PARD3B: variants seen among roughly 807,000 people sequenced by gnomAD.
The protein encoded by PARD3B is partitioning defective 3 homolog B.
A neutral mutation model predicts 130.2 loss-of-function variants in PARD3B; 103 were observed. The ratio of observed to expected loss-of-function variants is 0.79; its 90% CI spans 0.67 to 0.93. The LOEUF (loss-of-function observed/expected upper bound fraction) is 0.93. Among genes scored for constraint, PARD3B ranks in the 40% least tolerant of loss-of-function variants. PARD3B has a pLI of 0.00. For synonymous variants in PARD3B, 583 were observed against 553.2 expected, an observed-to-expected ratio of 1.05 and a Z score of -0.76; for missense variants, 1,609 against 1,499.2, an observed-to-expected ratio of 1.07 and a Z score of -1.21.
chr2:204,809,792 G>T (rs1191232365), intron 2 of PARD3B, among the ~76,000 whole-genome samples: 1 of 152,108 alleles, frequency 6.6e-6, no homozygotes, highest in Non-Finnish European at 1.5e-5. Context: ...GTCATTGGTA[G>T]TTTGATAGGA....
intron 18 of PARD3B, among the ~76,000 whole-genome samples, chr2:205,357,280 T>C (rs1365291876): frequency 6.6e-6 from 1 of 152,236 alleles, no homozygotes; most frequent in South Asian, 2.1e-4. Context: ...CCTTTGGTGA[T>C]GCTGAAGCAT....
chr2:204,604,315 T>G (rs966481361), intron 1 of PARD3B, among the ~76,000 whole-genome samples: 2 of 152,160 alleles, frequency 1.3e-5, no homozygotes, highest in African/African-American at 4.8e-5. Flanking sequence ...ATTCTGGAAT[T>G]CTTGGTATCA....
intron 2 of PARD3B, among the ~76,000 whole-genome samples, chr2:204,704,126 G>A (rs193261823): frequency 1.9e-3 from 293 of 152,252 alleles, no homozygotes; most frequent in African/African-American, 6.9e-3. Context: ...TCATTTCTAA[G>A]TATGCAGTTC....
chr2:204,730,483 A>G (rs894042848), intron 2 of PARD3B, among the ~76,000 whole-genome samples: 2 of 151,942 alleles, frequency 1.3e-5, no homozygotes, highest in African/African-American at 4.8e-5. Flanking sequence ...GTTCAAATTG[A>G]TGTTAGAACT....
intron 16 of PARD3B, among the ~76,000 whole-genome samples, chr2:205,270,806 G>A (rs1448251692): frequency 6.6e-6 from 1 of 152,026 alleles, no homozygotes; most frequent in Admixed American, 6.6e-5. Flanking sequence ...GGAGGGAAAA[G>A]AGCGTGCCAG....
At chr2:205,428,417 T>C (rs901050795) in intron 19 of PARD3B, among the ~76,000 whole-genome samples, 1 of 152,112 alleles carries the variant, frequency 6.6e-6, no homozygotes, top group South Asian at 2.1e-4. Context: ...CCCAGAGAGC[T>C]GCCTCACCTC....
intron 2 of PARD3B, among the ~76,000 whole-genome samples, chr2:204,822,056 A>T: frequency 6.6e-6 from 1 of 152,230 alleles, no homozygotes; most frequent in East Asian, 1.9e-4. Context: ...TTGGCAATGT[A>T]AATTGAAACC....
intron 2 of PARD3B, among the ~76,000 whole-genome samples, chr2:204,693,675 T>C (rs1294911230): frequency 1.3e-5 from 2 of 152,054 alleles, no homozygotes; most frequent in African/African-American, 4.8e-5. Context: ...TGTAGCCATT[T>C]AGAGGCCTCA....
At chr2:205,345,242 A>C (rs2043706359) in intron 18 of PARD3B, among the ~76,000 whole-genome samples, 1 of 152,190 alleles carries the variant, frequency 6.6e-6, no homozygotes, top group Admixed American at 6.5e-5. Flanking sequence ...AAGTATGACG[A>C]AGTGGACAGC....
rs910181173 is a variant in PARD3B, at chr2:204,606,891, A to C, written c.120+60772A>C. ...GTTTGTGTGTGTGGTTTTTCTGGGA[A>C]ATATTAAAGCCTTGAACAATCCCGT... On this transcript the variant is annotated intron_variant, in intron 1 of 22. Transcript: ENST00000406610. This position sits in a 1 kb window ranked among gnomAD's most constrained non-coding sequence, Gnocchi z 4.0. Among the ~76,000 whole-genome samples, 1 of 152,144 alleles carries C rather than the reference A, an allele frequency of 6.6e-6. No individual in the cohort carries two copies. Among genetic ancestry groups the C allele is most frequent in the Non-Finnish European group, 1.5e-5 (1 of 68,022 alleles).
At chr2:205,045,863 A>G (rs1698741968) in intron 3 of PARD3B, among the ~76,000 whole-genome samples, 1 of 152,110 alleles carries the variant, frequency 6.6e-6, no homozygotes, top group African/African-American at 2.4e-5. Context: ...TAAATTGTTG[A>G]TCGCTAAAAT....
At chr2:205,189,482 C>T (rs912831103) in intron 14 of PARD3B, among the ~76,000 whole-genome samples, 11 of 152,154 alleles carry the variant, frequency 7.2e-5, no homozygotes, top group Admixed American at 2.0e-4. Context: ...GCTGAAAACA[C>T]GGCCTTTATC....
At position 204,762,269 on chromosome 2, in the gene PARD3B, G is replaced by A. The variant is rs564343320; in HGVS notation, c.222+75987G>A. Reference sequence around the variant, plus strand: ...CCTGAGTAGGTGGGAGTACAGGCACGTGCCACCATGCCCAGCTAATTTTTT... The same window carrying A: ...CCTGAGTAGGTGGGAGTACAGGCACATGCCACCATGCCCAGCTAATTTTTT... On this transcript the variant is annotated intron_variant, in intron 2 of 22. Coordinates refer to ENST00000406610, the MANE Select transcript of PARD3B (RefSeq NM_001302769.2). 4.0e-5 allele frequency among the ~76,000 whole-genome samples: 6 copies of A among 151,408 alleles called. No individual in the cohort carries two copies. The South Asian group carries it at 1.3e-3, about 32-fold the overall frequency.
chr2:205,013,601 A>G (rs941744911), intron 3 of PARD3B, among the ~76,000 whole-genome samples: 5 of 152,184 alleles, frequency 3.3e-5, no homozygotes, highest in African/African-American at 1.2e-4. Context: ...TTGGATACTA[A>G]TAACATGCCC....
intron 18 of PARD3B, among the ~76,000 whole-genome samples, chr2:205,354,082 G>A (rs564772236): frequency 2.7e-4 from 38 of 139,620 alleles, no homozygotes; most frequent in Non-Finnish European, 4.8e-4. Context: ...GCCCAGGCTG[G>A]AGTGCAGTGG....
chr2:204,852,671 A>G (rs1439346589), intron 2 of PARD3B, among the ~76,000 whole-genome samples: 1 of 152,212 alleles, frequency 6.6e-6, no homozygotes, highest in African/African-American at 2.4e-5. Context: ...GAGACATGCA[A>G]TAATTCTACA....
intron 2 of PARD3B, among the ~76,000 whole-genome samples, chr2:204,811,067 A>G (rs1032946967): frequency 1.2e-4 from 18 of 151,968 alleles, no homozygotes; most frequent in African/African-American, 3.6e-4. Flanking sequence ...GAATTTATCC[A>G]TCTCTTCTAG....
intron 2 of PARD3B, among the ~76,000 whole-genome samples, chr2:204,899,953 C>G (rs758185528): frequency 7.9e-5 from 12 of 151,752 alleles, no homozygotes; most frequent in Non-Finnish European, 1.5e-4. Context: ...CCCGACCTAT[C>G]AGGTTTCCAC....
intron 3 of PARD3B, among the ~76,000 whole-genome samples, chr2:205,013,753 T>A (rs1575556933): frequency 6.6e-6 from 1 of 151,876 alleles, no homozygotes; most frequent in African/African-American, 2.4e-5. Context: ...GCGCTGGAGG[T>A]TGAAAACCAT....
Sources: allele counts gnomAD v4.1 joint callset (sites outside exome capture counted in the v4.1 genomes callset), GRCh38; gene constraint gnomAD v4.1.1; non-coding constraint Gnocchi (gnomAD v3.1); transcripts MANE v1.5; gene names NCBI Gene and HGNC (gene_info 2026-07-23, HGNC 2026-07-21).